NBPF12: variants seen among roughly 807,000 people sequenced by gnomAD.
NBPF12 encodes the protein NBPF family member NBPF12.
A neutral mutation model predicts 146.4 loss-of-function variants in NBPF12; 115 were observed. The observed-to-expected ratio is 0.79, with a 90% CI of 0.68 to 0.92. NBPF12 has a LOEUF of 0.92. Ranked by LOEUF, NBPF12 falls within the 40% of genes least tolerant of loss-of-function variation. The pLI is 0.00. For missense variants in NBPF12, 1,205 were observed against 1,326.8 expected (o/e 0.91, Z 1.43); for synonymous variants, 385 against 508.9 (o/e 0.76, Z 3.28).
At chr1:146,942,529 A>G in intron 1 of NBPF12, among the ~76,000 whole-genome samples, 2 of 151,602 alleles carry the variant, frequency 1.3e-5, no homozygotes, top group Middle Eastern at 3.4e-3. Context: ...TGTTAAATGA[A>G]TGAATGAATG....
intron 6 of NBPF12, 135 bp downstream of exon 9, chr1:146,963,444 A>T (rs1442884365): frequency 1.8e-5 from 28 of 1,580,614 alleles, no homozygotes; most frequent in Non-Finnish European, 2.3e-5. Flanking sequence ...CATGATCAGG[A>T]CTTCCTGGGT....
chr1:146,966,137 A>T (rs1202764507), intron 8 of NBPF12, among the ~76,000 whole-genome samples: 1 of 151,954 alleles, frequency 6.6e-6, no homozygotes, highest in Non-Finnish European at 1.5e-5. Context: ...AAAAAGAAAA[A>T]AATTAAAAAA....
intron 21 of NBPF12, among the ~76,000 whole-genome samples, chr1:146,984,432 A>G: frequency 6.7e-6 from 1 of 149,306 alleles, no homozygotes; most frequent in African/African-American, 2.5e-5. Flanking sequence ...TGGTGACTGC[A>G]GGGAAACTTG....
At chr1:146,992,631 A>G (rs1249069223) in intron 31 of NBPF12, 81 bp from the exon 35 acceptor site, 85 of 773,998 alleles carry the variant, frequency 1.1e-4, no homozygotes, top group Non-Finnish European at 1.7e-4. Context: ...CCACTTCCTT[A>G]TGCTACCCAT....
exon 14 of NBPF12, chr1:146,972,776 A>C: frequency 8.1e-7 from 1 of 1,234,900 alleles, no homozygotes; most frequent in African/African-American, 1.5e-5. Context: ...CTTCTGCCAC[A>C]AACGTCAGCA....
chr1:146,964,828 A>C (rs1476877548), intron 7 of NBPF12, 65 bp from the exon 11 acceptor site: 3 of 1,595,570 alleles, frequency 1.9e-6, no homozygotes, highest in East Asian at 4.5e-5. Context: ...ACCAGCTAGG[A>C]CTCCCTGGGG....
rs1553886553 is a variant in NBPF12, at chr1:146,971,981, G to C, written c.1591+587G>C. On this transcript the variant is annotated intron_variant, in intron 13 of 33. Coordinates refer to ENST00000617844, the Ensembl canonical transcript of NBPF12. ...TGGGTGCCTGTAGTCTCAGCTACTT[G>C]GGAGGCTGAGGCAGGAGAATGGCAT... 3.5e-3 allele frequency among the ~76,000 whole-genome samples: 522 copies of C among 149,878 alleles called. 4 individuals carry two copies. The highest frequency in any genetic ancestry group is 8.1e-3 in the Admixed American group (123 of 15,192).
intron 4 of NBPF12, among the ~76,000 whole-genome samples, chr1:146,961,617 AT>A (rs1161753880): frequency 2.0e-5 from 3 of 148,316 alleles, no homozygotes; most frequent in Non-Finnish European, 4.4e-5. Flanking sequence ...TATTTCCTTC[AT>A]GGCCTTATTT....
At chr1:146,939,045 C>G (rs1645781333) in intron 1 of NBPF12, 33 bp downstream of exon 1, 1 of 152,232 alleles carries the variant, frequency 6.6e-6, no homozygotes. Flanking sequence ...CACAGCTGGG[C>G]TGAGGCGCGG....
chr1:146,973,292 A>G (rs1422927740), intron 14 of NBPF12, among the ~76,000 whole-genome samples: 2 of 151,574 alleles, frequency 1.3e-5, no homozygotes, highest in East Asian at 3.9e-4. Flanking sequence ...CTGCAGACAA[A>G]TAACATCTAG....
chr1:146,969,311 C>T, intron 10 of NBPF12, 71 bp from the exon 14 acceptor site: 4 of 691,554 alleles, frequency 5.8e-6, no homozygotes, highest in Non-Finnish European at 1.0e-5. Flanking sequence ...TCTCAGAAAT[C>T]TCTGTTGCAA....
At chr1:146,966,114 AAAC>A (rs1656189646) in intron 8 of NBPF12, among the ~76,000 whole-genome samples, 1 of 151,962 alleles carries the variant, frequency 6.6e-6, no homozygotes. Flanking sequence ...CTCAAACAGA[AAAC>A]AAAAAACCAA....
exon 34 of NBPF12, chr1:146,994,384 C>A: frequency 1.2e-6 from 2 of 1,612,414 alleles, no homozygotes; most frequent in Non-Finnish European, 1.7e-6. Flanking sequence ...GCAGGACTCA[C>A]TGGATAGATG....
At chr1:146,980,575 CTTTG>C (rs1657309037) in intron 19 of NBPF12, among the ~76,000 whole-genome samples, 1 of 151,780 alleles carries the variant, frequency 6.6e-6, no homozygotes, top group African/African-American at 2.4e-5. Flanking sequence ...ACTTATGAAG[CTTTG>C]TTTGGCTGGA....
intron 1 of NBPF12, among the ~76,000 whole-genome samples, chr1:146,942,385 T>C (rs1378163327): frequency 2.5e-4 from 38 of 151,846 alleles, no homozygotes; most frequent in African/African-American, 9.0e-4. Context: ...ATTATTGTTA[T>C]TATTTTTTTT....
exon 11 of NBPF12, chr1:146,969,394 C>T (rs1570855756): frequency 1.0e-5 from 12 of 1,153,540 alleles, no homozygotes; most frequent in Middle Eastern, 2.8e-4. Flanking sequence ...AATATAAAGT[C>T]CTGGTTCACT....
At chr1:146,968,924 T>C (rs1553886002) in intron 10 of NBPF12, among the ~76,000 whole-genome samples, 1,547 of 151,050 alleles carry the variant, frequency 0.01, 82 homozygotes, top group African/African-American at 0.036. Flanking sequence ...CTTCTCATTC[T>C]TTCACTCAAT....
At chr1:146,962,088 C>T in intron 4 of NBPF12, 73 bp from the exon 8 acceptor site, 2 of 1,438,998 alleles carry the variant, frequency 1.4e-6, no homozygotes, top group Non-Finnish European at 1.9e-6. Context: ...GACCTGGCTC[C>T]TGCCCTGTAG....
At chr1:146,989,692 A>G (rs782118663) in exon 28 of NBPF12, 1 of 1,611,522 alleles carries the variant, frequency 6.2e-7, no homozygotes, top group Admixed American at 1.7e-5. Context: ...GCCCTACAGA[A>G]GTGCCTTTTA....
Sources: allele counts gnomAD v4.1 joint callset (sites outside exome capture counted in the v4.1 genomes callset), GRCh38; gene constraint gnomAD v4.1.1; transcripts MANE v1.5; gene names NCBI Gene and HGNC (gene_info 2026-07-23, HGNC 2026-07-21).